DCDC1: variants seen among roughly 807,000 people sequenced by gnomAD.
DCDC1 encodes doublecortin domain-containing protein 1.
In DCDC1, 200 loss-of-function variants were observed where a neutral mutation model predicts 178.3. The observed-to-expected ratio is 1.12, with a 90% CI of 1.00 to 1.26. The LOEUF (loss-of-function observed/expected upper bound fraction) is 1.26. Among genes scored for constraint, DCDC1 ranks in the 50% most tolerant of loss-of-function variants. The probability of loss-of-function intolerance (pLI) is 0.00; values close to 1 mark genes in which losing one functional copy is unlikely to be tolerated. For missense variants in DCDC1, 1,983 were observed against 1,749.2 expected, an observed-to-expected ratio of 1.13 and a Z score of -2.38; for synonymous variants, 690 against 604.8, an observed-to-expected ratio of 1.14 and a Z score of -2.07.
intron 20 of DCDC1, among the ~76,000 whole-genome samples, chr11:30,963,244 C>T (rs1205105844): frequency 6.6e-6 from 1 of 152,102 alleles, no homozygotes; most frequent in Non-Finnish European, 1.5e-5. Context: ...TATATAACTC[C>T]CAAACATATG....
intron 20 of DCDC1, among the ~76,000 whole-genome samples, chr11:31,040,138 A>G (rs1157530349): frequency 6.6e-6 from 1 of 152,218 alleles, no homozygotes; most frequent in Non-Finnish European, 1.5e-5. Flanking sequence ...CTAAAAAAAA[A>G]TTAAAATACA....
rs1555090401 is a variant in DCDC1, at chr11:31,157,372, A to AATATATATAT, written c.1222-19598_1222-19589dup. ...CCCTTTCTCAAAAAAAAAAAAAAAAAATATATATATATATACATATATATA... is the reference window on the plus strand; with the variant it reads ...CCCTTTCTCAAAAAAAAAAAAAAAAAATATATATATATATATATATATATACATATATATA... On this transcript the variant is annotated intron_variant, in intron 9 of 38. Transcript: ENST00000684477. Among the ~76,000 whole-genome samples, 35 of 96,864 alleles carry AATATATATAT rather than the reference A, an allele frequency of 3.6e-4. 1 individual carries two copies. The highest frequency in any genetic ancestry group is 6.2e-3 in the Middle Eastern group (1 of 162). The allele number at this position is 96,864 out of a possible 152,430, so 63.5% of individuals were successfully genotyped here. A position where few individuals can be genotyped will look rare whatever the true frequency, so the allele number is the denominator to read the frequency against.
intron 9 of DCDC1, among the ~76,000 whole-genome samples, chr11:31,212,528 T>C (rs1972689962): frequency 1.3e-5 from 2 of 152,104 alleles, no homozygotes; most frequent in Admixed American, 1.3e-4. Context: ...TATGAATGGG[T>C]GAATTATTAA....
chr11:31,213,020 C>A (rs1591424627), intron 9 of DCDC1, among the ~76,000 whole-genome samples: 1 of 151,770 alleles, frequency 6.6e-6, no homozygotes, highest in Non-Finnish European at 1.5e-5. Context: ...CTCTGCTCCT[C>A]ACTTGCTCTT....
At chr11:31,069,318 C>CA (rs937288704) in intron 18 of DCDC1, among the ~76,000 whole-genome samples, 8 of 151,474 alleles carry the variant, frequency 5.3e-5, no homozygotes, top group African/African-American at 1.7e-4. Context: ...AAGTTTAATC[C>CA]AAAAAAAATT....
chr11:31,154,749 C>T (rs566541086), intron 9 of DCDC1, among the ~76,000 whole-genome samples: 1 of 152,310 alleles, frequency 6.6e-6, no homozygotes, highest in African/African-American at 2.4e-5. Flanking sequence ...CCATCTTCAT[C>T]ATGCAAAGCT....
intron 7 of DCDC1, among the ~76,000 whole-genome samples, chr11:31,284,254 A>T (rs1229346986): frequency 6.6e-6 from 1 of 152,194 alleles, no homozygotes; most frequent in African/African-American, 2.4e-5. Context: ...TTTAAGAAAA[A>T]GTAATATTAA....
At chr11:31,327,232 G>A (rs927081436) in intron 3 of DCDC1, among the ~76,000 whole-genome samples, 11 of 152,060 alleles carry the variant, frequency 7.2e-5, no homozygotes, top group South Asian at 4.1e-4. Context: ...GCAATGGCGC[G>A]ATCTTGGCTC....
chr11:31,159,517 G>T (rs1297124754), intron 9 of DCDC1, among the ~76,000 whole-genome samples: 2 of 152,096 alleles, frequency 1.3e-5, no homozygotes, highest in Non-Finnish European at 2.9e-5. Context: ...ATTTTCTAAT[G>T]CATGGTCTGT....
At position 30,950,352 on chromosome 11, in the gene DCDC1, T is replaced by G. The variant is rs565061029; in HGVS notation, c.2715+2093A>C. The stretch of plus-strand genomic sequence containing the variant: ...CAGTAATCCCACTACTGGATATACA[T>G]CCAAAAGAAAGGAAACCAATACATC... On this transcript the variant is annotated intron_variant, in intron 21 of 38. Coordinates refer to ENST00000684477, the MANE Select transcript of DCDC1 (RefSeq NM_001387274.1). Among the ~76,000 whole-genome samples the G allele has an allele frequency of 4.3e-4, 66 of 152,238 alleles. No homozygotes were observed. In the Middle Eastern group the frequency reaches 0.01, roughly 24 times the overall value.
At chr11:30,896,850 ATGT>A (rs1319644513) in intron 34 of DCDC1, among the ~76,000 whole-genome samples, 2 of 152,210 alleles carry the variant, frequency 1.3e-5, no homozygotes, top group African/African-American at 4.8e-5. Flanking sequence ...AATGTTAGCA[ATGT>A]TCATGCTTAC....
Position 31,106,969 on chromosome 11 carries a change from G to T in DCDC1, c.1588-9C>A. On this transcript the variant is annotated splice_polypyrimidine_tract_variant and intron_variant, in intron 12 of 38. Coordinates refer to ENST00000684477, the MANE Select transcript of DCDC1 (RefSeq NM_001387274.1). ...TGAATCTTGAGAAGTAACTGGTTGG[G>T]GGTTAGAGGGGCAGAGGGGATAGAG... The T allele has an allele frequency of 1.3e-6, 1 of 763,438 alleles. No individual in the cohort carries two copies. Among genetic ancestry groups the T allele is most frequent in the East Asian group, 2.4e-5 (1 of 41,122 alleles). 47.3% of individuals were successfully genotyped at this position (763,438 alleles called of 1,614,324 possible). A position where few individuals can be genotyped will look rare whatever the true frequency, so the allele number is the denominator to read the frequency against.
intron 18 of DCDC1, among the ~76,000 whole-genome samples, chr11:31,073,782 A>G (rs1956707071): frequency 6.6e-6 from 1 of 152,218 alleles, no homozygotes; most frequent in African/African-American, 2.4e-5. Context: ...CCTTCTATGA[A>G]CAGAACTAAA....
In DCDC1 at chr11:31,120,169, T is replaced by A. The variant is rs542063135; in HGVS notation, c.1485+7300A>T. Among the ~76,000 whole-genome samples, 9 of 152,264 alleles carry A rather than the reference T, an allele frequency of 5.9e-5. No individual in the cohort carries two copies. In the East Asian group the frequency reaches 1.2e-3, roughly 20 times the overall value. On this transcript the variant is annotated intron_variant, in intron 11 of 38. Transcript: ENST00000684477. ...GAAGACATCCTTTAAAAAAGAAATC[T>A]CTGAATTATCCCTTTAACAAAGCTT... is the stretch of plus-strand genomic sequence containing the variant.
chr11:31,213,106 T>TCTCTCTCTCTCTCTCC (rs1972875137), intron 9 of DCDC1, among the ~76,000 whole-genome samples: 3 of 21,012 alleles, frequency 1.4e-4, no homozygotes, highest in Admixed American at 3.8e-4. Flanking sequence ...CCAGCCTCTC[T>TCTCTCTCTCTCTCTCC]CTCTCTCTCT....
intron 38 of DCDC1, among the ~76,000 whole-genome samples, chr11:30,877,827 G>GC (rs1251385549): frequency 6.6e-6 from 1 of 152,132 alleles, no homozygotes; most frequent in Non-Finnish European, 1.5e-5. Context: ...TCGTGGCTGA[G>GC]CCAGAAAATG....
chr11:30,894,481 A>G, intron 34 of DCDC1, 97 bp from the exon 35 acceptor site: 1 of 1,499,226 alleles, frequency 6.7e-7, no homozygotes, highest in Non-Finnish European at 8.9e-7. Context: ...CGTTCCACAC[A>G]GGAGCATAAG....
intron 9 of DCDC1, among the ~76,000 whole-genome samples, chr11:31,173,737 T>TACAC (rs918588663): frequency 5.9e-5 from 7 of 118,674 alleles, no homozygotes; most frequent in Admixed American, 1.7e-4. Context: ...TTCACACACT[T>TACAC]ACACACACAC....
At chr11:31,164,537 T>A (rs934229554) in intron 9 of DCDC1, among the ~76,000 whole-genome samples, 32 of 152,078 alleles carry the variant, frequency 2.1e-4, no homozygotes, top group African/African-American at 7.0e-4. Flanking sequence ...TTTGTGTCAG[T>A]CTTTTTTTTA....
Sources: allele counts gnomAD v4.1 joint callset (sites outside exome capture counted in the v4.1 genomes callset), GRCh38; gene constraint gnomAD v4.1.1; transcripts MANE v1.5; gene names NCBI Gene and HGNC (gene_info 2026-07-23, HGNC 2026-07-21).